The following SEMA3E variants were observed in gnomAD, a reference collection of about 807,000 sequenced individuals.
SEMA3E encodes the protein semaphorin 3E.
SEMA3E carries 49 observed loss-of-function variants against 93.6 expected under a neutral mutation model. The ratio of observed to expected loss-of-function variants is 0.52; its 90% CI spans 0.42 to 0.66. The LOEUF is 0.66. Ranked by LOEUF, SEMA3E falls within the 30% of genes least tolerant of loss-of-function variation. SEMA3E has a pLI of 0.00. For missense variants in SEMA3E, 906 were observed against 964.8 expected (o/e 0.94, Z 0.81); for synonymous variants, 363 against 330.7 (o/e 1.10, Z -1.06).
intron 4 of SEMA3E, among the ~76,000 whole-genome samples, chr7:83,423,862 A>G (rs554011642): frequency 2.0e-5 from 3 of 152,168 alleles, no homozygotes; most frequent in African/African-American, 7.2e-5. Context: ...TGGGTGCATC[A>G]AAATCTCACA....
intron 1 of SEMA3E, among the ~76,000 whole-genome samples, chr7:83,616,962 T>A (rs1793381761): frequency 6.6e-6 from 1 of 152,124 alleles, no homozygotes; most frequent in Non-Finnish European, 1.5e-5. Flanking sequence ...TGAACTCAGG[T>A]GATCCACCCA....
At chr7:83,377,755 A>G (rs956099944) in intron 16 of SEMA3E, among the ~76,000 whole-genome samples, 3 of 152,078 alleles carry the variant, frequency 2.0e-5, no homozygotes, top group African/African-American at 4.8e-5. Context: ...AATTACACAC[A>G]ATCACTAATA....
intron 4 of SEMA3E, among the ~76,000 whole-genome samples, chr7:83,439,470 G>A (rs1158117913): frequency 1.3e-5 from 2 of 152,180 alleles, no homozygotes; most frequent in Admixed American, 1.3e-4. Flanking sequence ...GAGGAGTCTA[G>A]GCTAAGGGCT....
intron 2 of SEMA3E, among the ~76,000 whole-genome samples, chr7:83,483,233 C>T (rs1018142017): frequency 6.6e-5 from 10 of 152,074 alleles, no homozygotes; most frequent in Middle Eastern, 6.8e-3. Context: ...GTAGTATCTG[C>T]GGTTTCATTA....
At chr7:83,539,855 C>CTGTGTGTGTGTGTG (rs59200828) in intron 1 of SEMA3E, among the ~76,000 whole-genome samples, 14,040 of 122,052 alleles carry the variant, frequency 0.12, 1,082 homozygotes, top group Admixed American at 0.17. Flanking sequence ...TTTGTTGTTT[C>CTGTGTGTGTGTGTG]TGTGTGTGTG....
At chr7:83,617,314 T>C (rs956237827) in intron 1 of SEMA3E, among the ~76,000 whole-genome samples, 4 of 150,626 alleles carry the variant, frequency 2.7e-5, no homozygotes, top group Admixed American at 6.7e-5. Context: ...TAAGGTTAAG[T>C]ATAAAGGGGT....
At chr7:83,604,922 A>T (rs1262484383) in intron 1 of SEMA3E, among the ~76,000 whole-genome samples, 1 of 152,038 alleles carries the variant, frequency 6.6e-6, no homozygotes, top group Non-Finnish European at 1.5e-5. Context: ...GCTGAGGATG[A>T]TGGCTTTCAG....
chr7:83,527,864 T>C (rs954236098), intron 1 of SEMA3E, among the ~76,000 whole-genome samples: 3 of 152,082 alleles, frequency 2.0e-5, no homozygotes, highest in African/African-American at 7.2e-5. Context: ...ATTTACACAG[T>C]GATTATATTT....
At chr7:83,629,409 G>A (rs1438133938) in intron 1 of SEMA3E, among the ~76,000 whole-genome samples, 2 of 152,136 alleles carry the variant, frequency 1.3e-5, no homozygotes, top group African/African-American at 2.4e-5. Flanking sequence ...CTTCCCCCAG[G>A]TCCTCTGTCC....
Position 83,392,732 on chromosome 7 carries a change from C to T in SEMA3E, c.1501-11G>A. On this transcript the variant is annotated splice_polypyrimidine_tract_variant and intron_variant, in intron 13 of 16. Transcript: ENST00000643230. ...AATATACAGCTGTTGCTACAGAAAT[C>T]AGAAAGAGGTCACTAGCAGAAATGG... 1 of 1,613,452 alleles carries T rather than the reference C, an allele frequency of 6.2e-7. No individual in the cohort carries two copies.
intron 12 of SEMA3E, among the ~76,000 whole-genome samples, chr7:83,394,668 T>A (rs1235855359): frequency 1.3e-5 from 2 of 152,210 alleles, no homozygotes; most frequent in African/African-American, 2.4e-5. Context: ...AAAGTCAGAA[T>A]GTTCTATTAA....
intron 4 of SEMA3E, among the ~76,000 whole-genome samples, chr7:83,439,126 C>T (rs1789059743): frequency 1.3e-5 from 2 of 152,244 alleles, no homozygotes; most frequent in Middle Eastern, 3.4e-3. Context: ...TGGAATAATT[C>T]TTCAGTTCTA....
In SEMA3E at chr7:83,375,523, C is replaced by T. The variant is rs1794807963; in HGVS notation, c.1876-7485G>A. 2.0e-5 allele frequency among the ~76,000 whole-genome samples: 3 copies of T among 152,000 alleles called. No individual in the cohort carries two copies. In the South Asian group the frequency reaches 6.2e-4, roughly 32 times the overall value. Reference sequence around the variant, plus strand: ...GATATACAGTTCTATACTGGGATATCTTCATGCACACGCATATTTTTATGA... The same window carrying T: ...GATATACAGTTCTATACTGGGATATTTTCATGCACACGCATATTTTTATGA... On this transcript the variant is annotated intron_variant, in intron 16 of 16. Transcript: ENST00000643230.
intron 1 of SEMA3E, among the ~76,000 whole-genome samples, chr7:83,517,730 A>G (rs559787981): frequency 1.1e-4 from 16 of 152,202 alleles, no homozygotes; most frequent in Admixed American, 4.6e-4. Context: ...ATCAATGTGT[A>G]TGGAAAAGTA....
chr7:83,620,388 A>G (rs1022611323), intron 1 of SEMA3E, among the ~76,000 whole-genome samples: 1 of 152,092 alleles, frequency 6.6e-6, no homozygotes, highest in African/African-American at 2.4e-5. Context: ...CTAGGACCAG[A>G]TGGATTTACA....
At position 83,368,060 on chromosome 7, in the gene SEMA3E, T is replaced by A. The variant is rs562612594; in HGVS notation, c.1876-22A>T. The A allele has an allele frequency of 2.5e-6, 4 of 1,603,430 alleles. No individual in the cohort carries two copies. In the African/African-American group the frequency reaches 5.3e-5, roughly 21 times the overall value. On this transcript the variant is annotated intron_variant, in intron 16 of 16. Transcript: ENST00000643230. The stretch of plus-strand genomic sequence containing the variant: ...TCACCTGCAAAAACAAAAAAGTAAA[T>A]GGCACTGAAGTACACAGGAGAGAAA...
rs187291666 is a variant in SEMA3E at position 83,576,401 on chromosome 7, C to T, written c.115+72027G>A. On this transcript the variant is annotated intron_variant, in intron 1 of 16. Transcript: ENST00000643230. ...TTAAAGTGGGCAGCAATAAGCCAAG[C>T]GAAAATTGGATTTTCTGTTTCTAAA... is the stretch of plus-strand genomic sequence containing the variant. Among the ~76,000 whole-genome samples, 13 of 151,918 alleles carry T rather than the reference C, an allele frequency of 8.6e-5. No individual in the cohort carries two copies. The East Asian group carries it at 2.1e-3, about 25-fold the overall frequency.
chr7:83,630,915 AT>A (rs1260590020), intron 1 of SEMA3E, among the ~76,000 whole-genome samples: 2 of 152,124 alleles, frequency 1.3e-5, no homozygotes, highest in Non-Finnish European at 2.9e-5. Flanking sequence ...TTGTAAAATT[AT>A]TTTTTACAGA....
At chr7:83,601,236 G>C (rs542642210) in intron 1 of SEMA3E, among the ~76,000 whole-genome samples, 53 of 152,306 alleles carry the variant, frequency 3.5e-4, no homozygotes, top group African/African-American at 1.3e-3. Flanking sequence ...ATAAATTTAT[G>C]TTTAAAGAGA....
Sources: allele counts gnomAD v4.1 joint callset (sites outside exome capture counted in the v4.1 genomes callset), GRCh38; gene constraint gnomAD v4.1.1; transcripts MANE v1.5; gene names NCBI Gene and HGNC (gene_info 2026-07-23, HGNC 2026-07-21).